Variants in SLC25A33 observed in about 807,000 individuals in gnomAD.
SLC25A33 encodes the protein bone marrow stromal cell mitochondrial carrier protein.
In SLC25A33, 15 loss-of-function variants were observed where a neutral mutation model predicts 35.5. The ratio of observed to expected loss-of-function variants is 0.42; its 90% confidence interval spans 0.28 to 0.65. The LOEUF (loss-of-function observed/expected upper bound fraction) is 0.65. SLC25A33 is among the 30% of genes least tolerant of loss of function. The pLI is 0.20. For synonymous variants in SLC25A33, 136 were observed against 148.7 expected, an observed-to-expected ratio of 0.91 and a Z score of 0.62; for missense variants, 257 against 398.5, an observed-to-expected ratio of 0.64 and a Z score of 3.02.
At chr1:9,559,946 C>A (rs1643398019) in intron 2 of SLC25A33, among the ~76,000 whole-genome samples, 2 of 152,104 alleles carry the variant, frequency 1.3e-5, no homozygotes, top group South Asian at 4.1e-4. Context: ...TTGGAAGACA[C>A]TTTGTTATTC....
chr1:9,557,741 G>A (rs1569854712), intron 2 of SLC25A33, among the ~76,000 whole-genome samples: 1 of 152,114 alleles, frequency 6.6e-6, no homozygotes, highest in Non-Finnish European at 1.5e-5. Context: ...AGAAAAAGAC[G>A]TAATAAAATG....
intron 5 of SLC25A33, chr1:9,576,782 G>A (rs557258134): frequency 1.2e-5 from 14 of 1,159,708 alleles, no homozygotes; most frequent in East Asian, 5.8e-5. Flanking sequence ...AAATACACCC[G>A]CAGGGTTCAG....
chr1:9,540,151 A>G (rs370552690), intron 1 of SLC25A33, among the ~76,000 whole-genome samples: 20 of 152,148 alleles, frequency 1.3e-4, no homozygotes, highest in African/African-American at 4.6e-4. Context: ...CCGTGGTAGG[A>G]TCGCTGATGC....
chr1:9,572,257 T>C (rs1643600126), intron 4 of SLC25A33, among the ~76,000 whole-genome samples: 1 of 152,200 alleles, frequency 6.6e-6, no homozygotes, highest in Non-Finnish European at 1.5e-5. Flanking sequence ...ATCTGTTTTG[T>C]AACTTTTGCA....
At position 9,553,713 on chromosome 1, in the gene SLC25A33, A is replaced by G. The variant is rs375065650; in HGVS notation, c.144A>G (p.Thr48=). ...AGTCTTCAAGATTAGCTCTCCGGAC[A>G]GTCTACTATCCTCAGGTTCATCTGG... is the stretch of plus-strand genomic sequence containing the variant. ...RLQSSRLALR[T]VYYPQVHLGT... is the part of the protein sequence containing the mutation. The change falls in exon 2 of 7, where the codon ACA becomes ACG. Residue 48 remains threonine (T), a synonymous_variant. Transcript: ENST00000302692. 13 of 1,614,076 alleles carry G rather than the reference A, an allele frequency of 8.1e-6. No homozygotes were observed. The highest frequency in any genetic ancestry group is 1.3e-5 in the African/African-American group (1 of 74,920).
At chr1:9,556,300 C>G in intron 2 of SLC25A33, 2 of 951,406 alleles carry the variant, frequency 2.1e-6, no homozygotes, top group Non-Finnish European at 2.5e-6. Context: ...TTCCTCTTGC[C>G]AAATAATCAT....
At chr1:9,551,382 A>G (rs1035432289) in intron 1 of SLC25A33, among the ~76,000 whole-genome samples, 2 of 152,108 alleles carry the variant, frequency 1.3e-5, no homozygotes, top group African/African-American at 2.4e-5. Flanking sequence ...CCAAAAATCA[A>G]TAGGTAAATA....
At position 9,570,185 on chromosome 1, in the gene SLC25A33, T is replaced by A. The variant is rs568145342; in HGVS notation, c.315-73T>A. ...TTCCCATTTTATTTTCCGAAAATTTTTCAGGTGTTCTGGAGGGACGTATAA... is the reference window on the plus strand; with the variant it reads ...TTCCCATTTTATTTTCCGAAAATTTATCAGGTGTTCTGGAGGGACGTATAA... On this transcript the variant is annotated intron_variant, in intron 3 of 6. Coordinates refer to ENST00000302692, the MANE Select transcript of SLC25A33 (RefSeq NM_032315.3). The A allele has an allele frequency of 2.9e-6, 4 of 1,359,998 alleles. No homozygotes were observed. The South Asian group carries it at 5.1e-5, about 17-fold the overall frequency. 84.2% of individuals were successfully genotyped at this position (1,359,998 alleles called of 1,614,324 possible).
At chr1:9,577,108 G>A (rs1054263354) in intron 5 of SLC25A33, 12 of 502,204 alleles carry the variant, frequency 2.4e-5, no homozygotes, top group Admixed American at 3.3e-5. Flanking sequence ...AGGTGGGGGC[G>A]GCAGAGAAGA....
chr1:9,570,713 T>G (rs941213441), intron 4 of SLC25A33, among the ~76,000 whole-genome samples: 2 of 144,552 alleles, frequency 1.4e-5, no homozygotes, highest in Admixed American at 6.9e-5. Flanking sequence ...TTTTTTTTTT[T>G]TTTTTTTTTT....
At chr1:9,541,687 ATT>A (rs752384884) in intron 1 of SLC25A33, among the ~76,000 whole-genome samples, 1 of 138,520 alleles carries the variant, frequency 7.2e-6, no homozygotes. Context: ...CAACTTGGCC[ATT>A]TTTTTTTTTG....
chr1:9,555,219 G>A (rs375892997), intron 2 of SLC25A33, among the ~76,000 whole-genome samples: 6 of 145,546 alleles, frequency 4.1e-5, no homozygotes, highest in African/African-American at 1.0e-4. Context: ...CTGGGTTCAC[G>A]CCATTCTCCT....
chr1:9,584,717 GTTGTTA>G lies in SLC25A33; in HGVS notation c.*2222_*2227del, dbSNP rs1235428321. ...CCTGGCCCGCGCCGCCCCTTCCTTT[GTTGTTA>G]TTGTTGTTTTGAGACAAGGTATCAC... On this transcript the variant is annotated 3_prime_UTR_variant, in exon 7 of 7. Coordinates refer to ENST00000302692, the MANE Select transcript of SLC25A33 (RefSeq NM_032315.3). 3 of 152,048 alleles carry G rather than the reference GTTGTTA, an allele frequency of 2.0e-5. No individual in the cohort carries two copies. Among genetic ancestry groups the G allele is most frequent in the Non-Finnish European group, 4.4e-5 (3 of 68,048 alleles). 9.4% of individuals were successfully genotyped at this position (152,048 alleles called of 1,614,324 possible).
chr1:9,557,520 G>A (rs943608064), intron 2 of SLC25A33, among the ~76,000 whole-genome samples: 5 of 151,524 alleles, frequency 3.3e-5, no homozygotes, highest in African/African-American at 4.9e-5. Flanking sequence ...GCAATGTGGC[G>A]AAATCCCATC....
At chr1:9,574,620 G>A (rs996210133) in intron 5 of SLC25A33, among the ~76,000 whole-genome samples, 1 of 152,138 alleles carries the variant, frequency 6.6e-6, no homozygotes, top group Admixed American at 6.5e-5. Context: ...ATTTACATTC[G>A]TAATGAATAC....
chr1:9,572,268 A>T (rs930810146), intron 4 of SLC25A33, among the ~76,000 whole-genome samples: 4 of 152,124 alleles, frequency 2.6e-5, no homozygotes, highest in African/African-American at 9.7e-5. Context: ...AACTTTTGCA[A>T]AGTTAACTTA....
At chr1:9,574,566 T>C (rs1309775229) in intron 5 of SLC25A33, among the ~76,000 whole-genome samples, 1 of 152,232 alleles carries the variant, frequency 6.6e-6, no homozygotes, top group South Asian at 2.1e-4. Context: ...TTTCTGTGTG[T>C]GTCAAATCAC....
Position 9,553,705 on chromosome 1 carries a change from C to T in SLC25A33, c.136C>T (p.Leu46Phe), listed in dbSNP as rs755367136. The change falls in exon 2 of 7, where the codon CTC becomes TTC. Residue 46 changes from leucine (L) to phenylalanine (F), a missense_variant. By Grantham distance (22) the Leu-to-Phe change is conservative. Transcript: ENST00000302692. The part of the protein sequence containing the change: ...KTRLQSSRLA[L>F]RTVYYPQVHL... ...ACGGTTGCAGTCTTCAAGATTAGCT[C>T]TCCGGACAGTCTACTATCCTCAGGT... 6.2e-7 allele frequency: 1 copy of T among 1,614,176 alleles called. No homozygotes were observed. Among genetic ancestry groups the T allele is most frequent in the Non-Finnish European group, 8.5e-7 (1 of 1,180,042 alleles).
intron 2 of SLC25A33, among the ~76,000 whole-genome samples, chr1:9,559,496 TG>T (rs1427385361): frequency 1.3e-5 from 2 of 151,872 alleles, no homozygotes; most frequent in African/African-American, 4.8e-5. Flanking sequence ...CACAAGGTTT[TG>T]TTTTTTTTTA....
Sources: allele counts gnomAD v4.1 joint callset (sites outside exome capture counted in the v4.1 genomes callset), GRCh38; gene constraint gnomAD v4.1.1; transcripts MANE v1.5; gene names NCBI Gene and HGNC (gene_info 2026-07-23, HGNC 2026-07-21).